ADPRHL1: variants seen among roughly 807,000 people sequenced by gnomAD.
ADPRHL1 encodes the protein inactive ADP-ribosyltransferase ARH2.
In ADPRHL1, 43 loss-of-function variants were observed where a neutral mutation model predicts 44.1. The ratio of observed to expected loss-of-function variants is 0.98; its 90% CI spans 0.76 to 1.26. ADPRHL1 has a LOEUF of 1.26. Among genes scored for constraint, ADPRHL1 ranks in the 50% most tolerant of loss-of-function variants. The probability of loss-of-function intolerance (pLI) is 0.00; values close to 1 mark genes in which losing one functional copy is unlikely to be tolerated. For synonymous variants in ADPRHL1, 878 were observed against 1,017.4 expected (o/e 0.86, Z 2.61); for missense variants, 2,022 against 2,496.9 (o/e 0.81, Z 4.05).
chr13:113,424,376 G>A lies in ADPRHL1; in HGVS notation c.775-27C>T, dbSNP rs141758858. The A allele has an allele frequency of 2.9e-4, 474 of 1,612,038 alleles. No individual in the cohort carries two copies. In the African/African-American group the frequency reaches 5.0e-3, roughly 17 times the overall value. ...TGACAAGAGAGCCGTGGGTCGGGGC[G>A]TGTGCCCAAGTGGAGCCACTTCTGG... is the stretch of plus-strand genomic sequence containing the variant. On this transcript the variant is annotated intron_variant, in intron 5 of 7. Transcript: ENST00000612156.
intron 4 of ADPRHL1, among the ~76,000 whole-genome samples, chr13:113,427,881 AAAGCTGTG>A (rs66849212): frequency 0.34 from 50,884 of 151,696 alleles, 10,147 homozygotes; most frequent in East Asian, 0.68. Flanking sequence ...ACCCCCGTGG[AAAGCTGTG>A]AACCAGACCC....
chr13:113,433,294 C>T (rs748225788), intron 3 of ADPRHL1, among the ~76,000 whole-genome samples: 2 of 152,094 alleles, frequency 1.3e-5, no homozygotes, highest in Non-Finnish European at 2.9e-5. Context: ...AAGTATTGTA[C>T]AAACCCTTGT....
At chr13:113,437,511 C>T (rs2044069903) in intron 2 of ADPRHL1, among the ~76,000 whole-genome samples, 1 of 152,234 alleles carries the variant, frequency 6.6e-6, no homozygotes, top group Non-Finnish European at 1.5e-5. Context: ...TGCGACCGTG[C>T]GTGTTACTCG....
At chr13:113,428,143 C>T (rs2043980292) in intron 4 of ADPRHL1, among the ~76,000 whole-genome samples, 1 of 150,636 alleles carries the variant, frequency 6.6e-6, no homozygotes, top group Non-Finnish European at 1.5e-5. Flanking sequence ...GCTTCGGCGG[C>T]TGAGGCAGGA....
intron 7 of ADPRHL1, among the ~76,000 whole-genome samples, chr13:113,418,959 G>T (rs1414120574): frequency 2.1e-5 from 1 of 47,418 alleles, no homozygotes; most frequent in Admixed American, 2.9e-4. Flanking sequence ...CTAAGAGGTT[G>T]TATAATGTGC....
At chr13:113,437,368 G>T (rs1483983374) in intron 2 of ADPRHL1, among the ~76,000 whole-genome samples, 3 of 151,856 alleles carry the variant, frequency 2.0e-5, no homozygotes, top group Non-Finnish European at 4.4e-5. Context: ...CCAGGACCCA[G>T]CACCCAGGCG....
intron 1 of ADPRHL1, among the ~76,000 whole-genome samples, chr13:113,450,617 G>A (rs946996115): frequency 6.6e-6 from 1 of 152,196 alleles, no homozygotes; most frequent in Admixed American, 6.5e-5. Flanking sequence ...TGTGGGTCAC[G>A]TGTCCACTGG....
At chr13:113,447,441 CATG>C (rs1247917244) in intron 1 of ADPRHL1, among the ~76,000 whole-genome samples, 5 of 150,862 alleles carry the variant, frequency 3.3e-5, no homozygotes, top group Admixed American at 6.6e-5. Context: ...TGTCTACACT[CATG>C]GTGGTGTGTG....
rs373816108 is a variant in ADPRHL1, at chr13:113,399,948, G to C, written c.*3430C>G. 6.6e-6 allele frequency: 1 copy of C among 151,580 alleles called. No individual in the cohort carries two copies. The highest frequency in any genetic ancestry group is 6.6e-5 in the Admixed American group (1 of 15,188). The allele number at this position is 151,580 out of a possible 1,614,324, so 9.4% of individuals were successfully genotyped here. On this transcript the variant is annotated 3_prime_UTR_variant, in exon 8 of 8. Transcript: ENST00000612156. ...GTCGCCGTCTCGGGACCTTCCTGCC[G>C]CCTGAGTGCACCGCCTCCCGCCCGG...
chr13:113,422,095 T>C (rs1357741207), intron 7 of ADPRHL1: 2 of 152,158 alleles, frequency 1.3e-5, no homozygotes, highest in Non-Finnish European at 2.9e-5. Context: ...GCGAGCCCGA[T>C]GGGGCAGGCG....
At chr13:113,428,880 G>A in intron 4 of ADPRHL1, 72 bp downstream of exon 4, 1 of 1,591,736 alleles carries the variant, frequency 6.3e-7, no homozygotes, top group Non-Finnish European at 8.5e-7. Flanking sequence ...TGAAGTATTT[G>A]GGGGCCCATG....
At chr13:113,450,848 A>AG (rs2044173006) in intron 1 of ADPRHL1, among the ~76,000 whole-genome samples, 1 of 152,076 alleles carries the variant, frequency 6.6e-6, no homozygotes, top group South Asian at 2.1e-4. Context: ...CATCACAGGG[A>AG]GACGGTTAGG....
At chr13:113,430,701 G>A (rs2044000437) in intron 3 of ADPRHL1, among the ~76,000 whole-genome samples, 1 of 152,104 alleles carries the variant, frequency 6.6e-6, no homozygotes. Context: ...AGTGATAAAA[G>A]GCGGGGGTGG....
Position 113,405,921 on chromosome 13 carries a change from C to G in ADPRHL1, c.3361G>C (p.Ala1121Pro). Residue 1121 changes from alanine (A) to proline (P), a missense_variant, in exon 8 of 8, where the codon GCG (alanine) becomes CCG (proline). Physicochemically the swap from Ala to Pro is conservative, Grantham distance 27 (BLOSUM62 -1). Transcript: ENST00000612156. ...GCTGGTGCAGGCGTGGCGCGGCTCG[C>G]AACGCTCCCTGCAGCTGCCATCGCC... ...CGAMAAAGSV[A>P]SRATPAPAPG... is the part of the protein sequence containing the mutation. The G allele has an allele frequency of 8.1e-7, 1 of 1,232,050 alleles. No homozygotes were observed. The highest frequency in any genetic ancestry group is 3.2e-5 in the East Asian group (1 of 31,702). 76.3% of individuals were successfully genotyped at this position (1,232,050 alleles called of 1,614,324 possible).
At chr13:113,443,153 T>C (rs992424908) in intron 2 of ADPRHL1, among the ~76,000 whole-genome samples, 84 of 152,250 alleles carry the variant, frequency 5.5e-4, no homozygotes, top group Admixed American at 1.6e-3. Context: ...TTTGGACTTA[T>C]TGATTTTCCT....
chr13:113,447,016 G>A (rs1466601321), intron 1 of ADPRHL1, among the ~76,000 whole-genome samples: 6 of 140,750 alleles, frequency 4.3e-5, no homozygotes, highest in Non-Finnish European at 9.3e-5. Flanking sequence ...CTACATGCAC[G>A]GTGTTGTGTG....
chr13:113,410,214 C>T (rs2043841987), intron 7 of ADPRHL1: 1 of 809,696 alleles, frequency 1.2e-6, no homozygotes, highest in South Asian at 5.6e-5. Context: ...GAGACGCCTC[C>T]CTCGCCCGGT....
intron 1 of ADPRHL1, chr13:113,448,924 C>T (rs931262933): frequency 8.4e-5 from 83 of 984,944 alleles, no homozygotes; most frequent in Non-Finnish European, 9.4e-5. Context: ...CTGGGAATGG[C>T]CAGCTGCATA....
chr13:113,451,342 C>G (rs899657488), intron 1 of ADPRHL1, among the ~76,000 whole-genome samples: 1 of 152,144 alleles, frequency 6.6e-6, no homozygotes, highest in Non-Finnish European at 1.5e-5. Context: ...CTCGTGTCCT[C>G]TGTCTCTTGC....
Sources: allele counts gnomAD v4.1 joint callset (sites outside exome capture counted in the v4.1 genomes callset), GRCh38; gene constraint gnomAD v4.1.1; transcripts MANE v1.5; gene names NCBI Gene and HGNC (gene_info 2026-07-23, HGNC 2026-07-21).